NOX4: variants seen among roughly 807,000 people sequenced by gnomAD.
NOX4 encodes NADPH oxidase 4.
A neutral mutation model predicts 87.6 loss-of-function variants in NOX4; 69 were observed. That is an observed-to-expected ratio of 0.79 (90% CI 0.65 to 0.96). NOX4 has a LOEUF of 0.96. Among genes scored for constraint, NOX4 ranks in the 40% least tolerant of loss-of-function variants. The pLI, the probability that NOX4 is intolerant of heterozygous loss-of-function variation, is 0.00. For synonymous variants in NOX4, 275 were observed against 238.2 expected (o/e 1.15, Z -1.42); for missense variants, 680 against 681.5 (o/e 1.00, Z 0.02).
intron 12 of NOX4, among the ~76,000 whole-genome samples, chr11:89,370,155 G>A (rs61352716): frequency 0.055 from 8,276 of 151,720 alleles, 396 homozygotes; most frequent in East Asian, 0.13. Flanking sequence ...AATAATATAT[G>A]GCCCTGTCTT....
At chr11:89,575,087 G>A in the NOX4 span, among the ~76,000 whole-genome samples, 1 of 152,084 alleles carries the variant, frequency 6.6e-6, no homozygotes, top group Non-Finnish European at 1.5e-5. Context: ...GGAGGCTGAG[G>A]CAGGAGAATT....
the NOX4 span, among the ~76,000 whole-genome samples, chr11:89,506,164 A>G: frequency 6.6e-6 from 1 of 151,610 alleles, no homozygotes; most frequent in Non-Finnish European, 1.5e-5. Flanking sequence ...GAGAAACTGT[A>G]GTCTTCCTAA....
chr11:89,353,690 C>G (rs1481601892), intron 13 of NOX4, among the ~76,000 whole-genome samples: 1 of 152,078 alleles, frequency 6.6e-6, no homozygotes, highest in East Asian at 1.9e-4. Context: ...AGATAACCAC[C>G]TGAGAAACTA....
chr11:89,578,699 G>T, the NOX4 span, among the ~76,000 whole-genome samples: 1 of 152,092 alleles, frequency 6.6e-6, no homozygotes, highest in African/African-American at 2.4e-5. Flanking sequence ...AAGATATATT[G>T]AGGTCAACAG....
the NOX4 span, among the ~76,000 whole-genome samples, chr11:89,509,283 A>G: frequency 1.3e-5 from 2 of 152,056 alleles, no homozygotes; most frequent in African/African-American, 4.8e-5. Flanking sequence ...CAGCACGATT[A>G]ATTGAAAATA....
At chr11:89,356,425 G>T (rs1938057014) in intron 12 of NOX4, among the ~76,000 whole-genome samples, 1 of 103,744 alleles carries the variant, frequency 9.6e-6, no homozygotes, top group South Asian at 2.6e-4. Context: ...GGAAGAGGAA[G>T]GGGGAAAAAA....
chr11:89,493,675 C>T (rs1184040916), upstream of NOX4, among the ~76,000 whole-genome samples: 2 of 151,056 alleles, frequency 1.3e-5, no homozygotes, highest in Admixed American at 6.6e-5. Context: ...CAGGAACTCT[C>T]ATTAATGAGA....
At chr11:89,579,124 A>G in the NOX4 span, among the ~76,000 whole-genome samples, 2 of 152,340 alleles carry the variant, frequency 1.3e-5, no homozygotes, top group East Asian at 3.9e-4. Context: ...GATACTAAAA[A>G]GATAATTGGT....
intron 8 of NOX4, among the ~76,000 whole-genome samples, chr11:89,407,777 T>C (rs1442966821): frequency 6.6e-6 from 1 of 152,064 alleles, no homozygotes; most frequent in African/African-American, 2.4e-5. Context: ...CATGATTTTA[T>C]GGCAAAAGAT....
At chr11:89,333,009 G>A (rs1358463483) in intron 17 of NOX4, among the ~76,000 whole-genome samples, 2 of 151,846 alleles carry the variant, frequency 1.3e-5, no homozygotes, top group Non-Finnish European at 2.9e-5. Flanking sequence ...GTACCTAAAT[G>A]TGTATACCTG....
At chr11:89,330,007 AT>A (rs1299572188) in intron 17 of NOX4, among the ~76,000 whole-genome samples, 1 of 152,110 alleles carries the variant, frequency 6.6e-6, no homozygotes, top group East Asian at 1.9e-4. Context: ...AATTTCTAAT[AT>A]TTTTAATATA....
At chr11:89,575,323 A>AT in the NOX4 span, among the ~76,000 whole-genome samples, 3 of 152,266 alleles carry the variant, frequency 2.0e-5, no homozygotes, top group South Asian at 2.1e-4. Flanking sequence ...CCAAATAATT[A>AT]TTTTTTTGTG....
Position 89,491,324 on chromosome 11 carries a change from G to A in NOX4, c.-78C>T, listed in dbSNP as rs1946847070. On this transcript the variant is annotated 5_prime_UTR_variant, in exon 1 of 18. Coordinates refer to ENST00000263317, the MANE Select transcript of NOX4 (RefSeq NM_016931.5). The stretch of plus-strand genomic sequence containing the variant: ...GGCGGCGGCCGGGGCAGCGGTTACA[G>A]TTGTGCGGCCTGCCGGGCCGCTGAG... 2 of 1,342,214 alleles carry A rather than the reference G, an allele frequency of 1.5e-6. No homozygotes were observed. Among genetic ancestry groups the A allele is most frequent in the Admixed American group, 4.7e-5 (2 of 42,398 alleles). The allele number at this position is 1,342,214 out of a possible 1,614,324, so 83.1% of individuals were successfully genotyped here.
In NOX4 at chr11:89,490,533, A is replaced by AT. The variant is rs774313731; in HGVS notation, c.77dup (p.Asn26LysfsTer13). 7 of 1,614,000 alleles carry AT rather than the reference A, an allele frequency of 4.3e-6. No homozygotes were observed. Among genetic ancestry groups the AT allele is most frequent in the Non-Finnish European group, 5.9e-6 (7 of 1,179,888 alleles). On this transcript the variant is annotated frameshift_variant, in exon 2 of 18. Coordinates refer to ENST00000263317, the MANE Select transcript of NOX4 (RefSeq NM_016931.5). LOFTEE classifies it high-confidence loss of function. Reference sequence around the variant, plus strand: ...AGAAGGTTTTCCAGAAAAGCAGGACATTCATGGAGAGCCAGATGAACTAAA... The same window carrying AT: ...AGAAGGTTTTCCAGAAAAGCAGGACATTTCATGGAGAGCCAGATGAACTAAA...
At chr11:89,393,339 C>G (rs1277209886) in intron 11 of NOX4, among the ~76,000 whole-genome samples, 1 of 151,956 alleles carries the variant, frequency 6.6e-6, no homozygotes, top group Non-Finnish European at 1.5e-5. Context: ...TGAGATAGCT[C>G]TTTGTAATTT....
intron 2 of NOX4, among the ~76,000 whole-genome samples, chr11:89,456,194 T>A (rs1945190618): frequency 6.6e-6 from 1 of 152,074 alleles, no homozygotes; most frequent in African/African-American, 2.4e-5. Context: ...ATATATACAA[T>A]TACTATAATA....
chr11:89,478,681 A>C (rs965682176), intron 2 of NOX4, among the ~76,000 whole-genome samples: 1 of 152,180 alleles, frequency 6.6e-6, no homozygotes, highest in Non-Finnish European at 1.5e-5. Context: ...ACACTCATTT[A>C]AACCCAGTAC....
rs763795598 is a variant in NOX4, at chr11:89,440,732, A to T, written c.448-17T>A. 3.0e-5 allele frequency: 44 copies of T among 1,451,206 alleles called. No individual in the cohort carries two copies. Among genetic ancestry groups the T allele is most frequent in the African/African-American group, 2.0e-4 (14 of 70,078 alleles). The allele number at this position is 1,451,206 out of a possible 1,614,324, so 89.9% of individuals were successfully genotyped here. ...TCTAGGATCCTGAGAAAAAGAAAAA[A>T]AAATAAATGATTAAAAACTAAAGCA... On this transcript the variant is annotated splice_polypyrimidine_tract_variant and intron_variant, in intron 5 of 17. Transcript: ENST00000263317.
At chr11:89,440,811 G>T in intron 5 of NOX4, 96 bp from the exon 6 acceptor site, 1 of 627,818 alleles carries the variant, frequency 1.6e-6, no homozygotes, top group Non-Finnish European at 2.7e-6. Context: ...CCACATACTT[G>T]TCATGTAAAA....
Sources: allele counts gnomAD v4.1 joint callset (sites outside exome capture counted in the v4.1 genomes callset), GRCh38; gene constraint gnomAD v4.1.1; transcripts MANE v1.5; gene names NCBI Gene and HGNC (gene_info 2026-07-23, HGNC 2026-07-21).